Variants in FMN1 observed in about 807,000 individuals in gnomAD.
FMN1 encodes the protein formin 1, also known as formin-1.
FMN1 carries 110 observed loss-of-function variants against 132.4 expected under a neutral mutation model. The ratio of observed to expected loss-of-function variants is 0.83; its 90% confidence interval spans 0.71 to 0.97. The LOEUF (loss-of-function observed/expected upper bound fraction) is 0.97. Among genes scored for constraint, FMN1 ranks in the 50% least tolerant of loss-of-function variants. FMN1 has a pLI of 0.00. For synonymous variants in FMN1, 722 were observed against 651.7 expected (o/e 1.11, Z -1.64); for missense variants, 1,792 against 1,705.3 (o/e 1.05, Z -0.90).
intron 16 of FMN1, among the ~76,000 whole-genome samples, chr15:32,863,927 A>G (rs553218397): frequency 6.6e-6 from 1 of 152,362 alleles, no homozygotes; most frequent in South Asian, 2.1e-4. Flanking sequence ...AATTACATGA[A>G]ATGCAATGTA....
At position 32,823,152 on chromosome 15, in the gene FMN1, G is replaced by GTTTTT. The variant is rs373185751; in HGVS notation, c.3929-18825_3929-18821dup. ...GTCTCAAAGACAGAGAGTTTCTACT[G>GTTTTT]TTTTTTTTTTTTTTTTTTTTTTTTT... On this transcript the variant is annotated intron_variant, in intron 17 of 20. Transcript: ENST00000616417. Among the ~76,000 whole-genome samples, 260 of 86,202 alleles carry GTTTTT rather than the reference G, an allele frequency of 3.0e-3. 39 individuals are homozygous for GTTTTT. Among genetic ancestry groups the GTTTTT allele is most frequent in the Middle Eastern group, 8.9e-3 (1 of 112 alleles). 56.6% of individuals were successfully genotyped at this position (86,202 alleles called of 152,430 possible).
At chr15:33,111,222 A>C (rs1251248382) in intron 4 of FMN1, among the ~76,000 whole-genome samples, 1 of 152,174 alleles carries the variant, frequency 6.6e-6, no homozygotes, top group Non-Finnish European at 1.5e-5. Context: ...ACACAAGTTA[A>C]TTTAAAAAAT....
intron 6 of FMN1, among the ~76,000 whole-genome samples, chr15:33,025,048 T>G (rs1345039246): frequency 6.6e-6 from 1 of 152,196 alleles, no homozygotes; most frequent in Non-Finnish European, 1.5e-5. Context: ...TTATACATTA[T>G]TGTTATAAGT....
At chr15:33,157,599 T>C (rs535427096) in intron 3 of FMN1, among the ~76,000 whole-genome samples, 1 of 152,332 alleles carries the variant, frequency 6.6e-6, no homozygotes, top group East Asian at 1.9e-4. Context: ...TTCCATCTAA[T>C]TTGAATAGAG....
At chr15:32,820,478 CT>C (rs1368895868) in intron 17 of FMN1, among the ~76,000 whole-genome samples, 14 of 152,096 alleles carry the variant, frequency 9.2e-5, no homozygotes, top group Non-Finnish European at 1.9e-4. Flanking sequence ...TAAAGTCCCC[CT>C]GATAGCCCTC....
chr15:32,970,261 C>T (rs772370577), intron 7 of FMN1, among the ~76,000 whole-genome samples: 17 of 152,146 alleles, frequency 1.1e-4, no homozygotes, highest in African/African-American at 3.1e-4. Flanking sequence ...TTAACCAGCC[C>T]GTTCCTCAGC....
intron 16 of FMN1, among the ~76,000 whole-genome samples, chr15:32,870,386 T>C (rs1687276052): frequency 6.6e-6 from 1 of 152,226 alleles, no homozygotes; most frequent in South Asian, 2.1e-4. Context: ...CCCATGATTC[T>C]GATTCACTCC....
chr15:33,000,883 C>T (rs16962859), intron 7 of FMN1, among the ~76,000 whole-genome samples: 15,868 of 152,272 alleles, frequency 0.1, 1,120 homozygotes, highest in Middle Eastern at 0.19. Context: ...TTCAAAGTAT[C>T]ACTGTTCAGT....
intron 7 of FMN1, among the ~76,000 whole-genome samples, chr15:33,005,793 C>G (rs1462583926): frequency 2.6e-5 from 4 of 152,126 alleles, no homozygotes; most frequent in Admixed American, 6.5e-5. Context: ...TAAATTATCC[C>G]CTACCAATTT....
At chr15:32,841,593 A>C (rs1055335377) in intron 17 of FMN1, among the ~76,000 whole-genome samples, 1 of 152,188 alleles carries the variant, frequency 6.6e-6, no homozygotes, top group Non-Finnish European at 1.5e-5. Flanking sequence ...AAGTCCTAGG[A>C]AATATATTCT....
intron 7 of FMN1, among the ~76,000 whole-genome samples, chr15:32,984,178 A>G (rs988782257): frequency 1.3e-4 from 20 of 152,170 alleles, no homozygotes; most frequent in African/African-American, 4.8e-4. Flanking sequence ...TCTATTCTCA[A>G]GCCAGCTTGA....
intron 17 of FMN1, among the ~76,000 whole-genome samples, chr15:32,848,990 T>TG (rs2058934437): frequency 7.3e-6 from 1 of 136,972 alleles, no homozygotes; most frequent in Non-Finnish European, 1.6e-5. Context: ...TTTTTTTTTT[T>TG]TTTTTTTTTC....
intron 4 of FMN1, chr15:33,151,368 C>T: frequency 6.5e-7 from 1 of 1,536,654 alleles, no homozygotes; most frequent in African/African-American, 1.4e-5. Context: ...TGCTGAAGAT[C>T]CCAATGGAAG....
At chr15:32,894,501 A>G (rs921187333) in intron 15 of FMN1, among the ~76,000 whole-genome samples, 27 of 151,158 alleles carry the variant, frequency 1.8e-4, no homozygotes, top group African/African-American at 3.4e-4. Flanking sequence ...AAAAAAAAAA[A>G]AGAGAGACAA....
chr15:33,079,380 G>A (rs766666799), intron 5 of FMN1, among the ~76,000 whole-genome samples: 6 of 152,212 alleles, frequency 3.9e-5, no homozygotes, highest in Non-Finnish European at 8.8e-5. Flanking sequence ...CCAGCACGCA[G>A]GAAGGCTGAG....
intron 7 of FMN1, among the ~76,000 whole-genome samples, chr15:32,975,585 TC>T (rs2032138067): frequency 6.6e-6 from 1 of 152,260 alleles, no homozygotes; most frequent in Non-Finnish European, 1.5e-5. Context: ...TGATCTCTTT[TC>T]TGTTACTTGC....
At position 33,089,879 on chromosome 15, in the gene FMN1, G is replaced by A. The variant is rs184130760; in HGVS notation, c.1868-905C>T. ...TTACGGTCAAGTAAGTGTGAGAAAA[G>A]CTACATACTGTATCTCTTAAAGAAT... On this transcript the variant is annotated intron_variant, in intron 4 of 20. Transcript: ENST00000616417. 2.2e-4 allele frequency among the ~76,000 whole-genome samples: 34 copies of A among 152,286 alleles called. 1 individual carries two copies. The highest frequency in any genetic ancestry group is 1.6e-3 in the Admixed American group (24 of 15,296).
chr15:32,988,049 G>GTTTTTTTTTTTTTTTTTTTTTT (rs10573409), intron 7 of FMN1, among the ~76,000 whole-genome samples: 3 of 118,164 alleles, frequency 2.5e-5, no homozygotes, highest in Non-Finnish European at 1.7e-5. Context: ...TGTCTCTCCA[G>GTTTTTTTTTTTTTTTTTTTTTT]TTTTTTTTTT....
chr15:33,010,837 C>T (rs1383763944), intron 6 of FMN1, among the ~76,000 whole-genome samples: 1 of 151,464 alleles, frequency 6.6e-6, no homozygotes, highest in African/African-American at 2.4e-5. Context: ...CCAGAAAAAA[C>T]TCAACAGAAA....
Sources: allele counts gnomAD v4.1 joint callset (sites outside exome capture counted in the v4.1 genomes callset), GRCh38; gene constraint gnomAD v4.1.1; transcripts MANE v1.5; gene names NCBI Gene and HGNC (gene_info 2026-07-23, HGNC 2026-07-21).